The following ARHGEF10 variants were observed in gnomAD, a reference collection of about 807,000 sequenced individuals.
The protein encoded by ARHGEF10 is Rho guanine nucleotide exchange factor 10.
Under a neutral mutation model 147.4 loss-of-function variants are expected in ARHGEF10, and 140 were observed. That is an observed-to-expected ratio of 0.95 (90% CI 0.83 to 1.09). ARHGEF10 has a LOEUF of 1.09. Ranked by LOEUF, ARHGEF10 falls within the 50% of genes least tolerant of loss-of-function variation. ARHGEF10 has a pLI of 0.00. For missense variants in ARHGEF10, 2,222 were observed against 1,752.7 expected (o/e 1.27, Z -4.78); for synonymous variants, 902 against 695.8 (o/e 1.30, Z -4.67).
At chr8:1,929,920 C>G (rs1030135911) in intron 25 of ARHGEF10, among the ~76,000 whole-genome samples, 5 of 152,210 alleles carry the variant, frequency 3.3e-5, no homozygotes, top group African/African-American at 1.2e-4. Flanking sequence ...TTAGACGAGG[C>G]CCTCCCTGGC....
chr8:1,879,700 G>A (rs534178621), intron 8 of ARHGEF10, among the ~76,000 whole-genome samples: 5 of 151,948 alleles, frequency 3.3e-5, no homozygotes, highest in Middle Eastern at 3.4e-3. Context: ...TCACAGGCGC[G>A]CACCACCCTA....
At chr8:1,955,556 T>G (rs1485289989) in intron 28 of ARHGEF10, among the ~76,000 whole-genome samples, 1 of 148,506 alleles carries the variant, frequency 6.7e-6, no homozygotes, top group Non-Finnish European at 1.5e-5. Flanking sequence ...TCTCACTGTT[T>G]CTCTGGATGG....
rs1815695110 is a variant in ARHGEF10, at chr8:1,957,739, A to G, written c.*476A>G. The G allele has an allele frequency of 6.1e-6, 1 of 162,690 alleles. No homozygotes were observed. The highest frequency in any genetic ancestry group is 1.3e-5 in the Non-Finnish European group (1 of 74,416). The allele number at this position is 162,690 out of a possible 1,614,324, so 10.1% of individuals were successfully genotyped here. ...CTTTTATTTATATTCTATATTTTTG[A>G]ATTTCAGAGTAAAATTTGTTAACAA... On this transcript the variant is annotated 3_prime_UTR_variant, in exon 29 of 29. Coordinates refer to ENST00000349830, the MANE Select transcript of ARHGEF10 (RefSeq NM_014629.4).
chr8:1,846,854 G>A (rs1804602660), intron 2 of ARHGEF10, among the ~76,000 whole-genome samples: 1 of 152,234 alleles, frequency 6.6e-6, no homozygotes, highest in South Asian at 2.1e-4. Flanking sequence ...TGGGATGACA[G>A]GCGTGAGCCA....
intron 2 of ARHGEF10, among the ~76,000 whole-genome samples, chr8:1,856,050 CCCTG>C (rs1302727958): frequency 6.6e-6 from 1 of 152,126 alleles, no homozygotes; most frequent in Non-Finnish European, 1.5e-5. Flanking sequence ...CCAGCTCTCC[CCCTG>C]CTTCGATTGT....
rs370463705 is a variant in ARHGEF10 at position 1,840,223 on chromosome 8, T to C, written c.-47-3130T>C. 3.2e-3 allele frequency among the ~76,000 whole-genome samples: 391 copies of C among 122,168 alleles called. 1 individual carries two copies. Among genetic ancestry groups the C allele is most frequent in the East Asian group, 0.023 (73 of 3,122 alleles). The allele number at this position is 122,168 out of a possible 152,430, so 80.1% of individuals were successfully genotyped here. A position where few individuals can be genotyped will look rare whatever the true frequency, so the allele number is the denominator to read the frequency against. On this transcript the variant is annotated intron_variant, in intron 1 of 28. Coordinates refer to ENST00000349830, the MANE Select transcript of ARHGEF10 (RefSeq NM_014629.4). ...GAAGCTGTCCGATATGGGGACTGTCTGGTGTGGAAGCTGTCTGGTGTGGGG... is the reference window on the plus strand; with the variant it reads ...GAAGCTGTCCGATATGGGGACTGTCCGGTGTGGAAGCTGTCTGGTGTGGGG...
intron 15 of ARHGEF10, among the ~76,000 whole-genome samples, chr8:1,898,839 C>G (rs556426773): frequency 1.3e-4 from 20 of 152,222 alleles, no homozygotes; most frequent in Admixed American, 2.0e-4. Flanking sequence ...TGGGGGGCCG[C>G]GGGGCTTGGT....
intron 1 of ARHGEF10, chr8:1,826,073 A>C (rs918452927): frequency 4.4e-6 from 7 of 1,587,124 alleles, no homozygotes; most frequent in Non-Finnish European, 6.0e-6. Context: ...TTAGCAGCCA[A>C]CATCGGCAGT....
intron 2 of ARHGEF10, among the ~76,000 whole-genome samples, chr8:1,845,171 A>C (rs1188325870): frequency 6.6e-6 from 1 of 152,176 alleles, no homozygotes; most frequent in Admixed American, 6.5e-5. Flanking sequence ...GGCAGAGAGC[A>C]AAATCTTTTA....
rs1563233777 is a variant in ARHGEF10 at position 1,888,183 on chromosome 8, T to TTTGCGAGGAGACACTTAGTGGGGC, written c.1182+2476_1182+2477insTTGCGAGGAGACACTTAGTGGGGC. ...GGTTGCGAGGAGACAGTGAGTGGGG[T>TTTGCGAGGAGACACTTAGTGGGGC]GAGGGTTTGCGAGGAGACACTTAGT... On this transcript the variant is annotated intron_variant, in intron 11 of 28. Coordinates refer to ENST00000349830, the MANE Select transcript of ARHGEF10 (RefSeq NM_014629.4). Among the ~76,000 whole-genome samples, 28 of 40,906 alleles carry TTTGCGAGGAGACACTTAGTGGGGC rather than the reference T, an allele frequency of 6.8e-4. 3 individuals carry two copies. In the South Asian group the frequency reaches 1.0e-2, roughly 15 times the overall value. 26.8% of individuals were successfully genotyped at this position (40,906 alleles called of 152,430 possible).
chr8:1,915,030 A>C lies in ARHGEF10; in HGVS notation c.2143+5560A>C, dbSNP rs1265612311. Reference sequence around the variant, plus strand: ...GGGGGAGCGGATGCAGCTGCTCATTACTGTGAAGCTGCTGACCTCCTGCCA... The same window carrying C: ...GGGGGAGCGGATGCAGCTGCTCATTCCTGTGAAGCTGCTGACCTCCTGCCA... On this transcript the variant is annotated intron_variant, in intron 18 of 28. Transcript: ENST00000349830. Among the ~76,000 whole-genome samples, 4 of 152,258 alleles carry C rather than the reference A, an allele frequency of 2.6e-5. No homozygotes were observed. The Middle Eastern group carries it at 0.01, about 388-fold the overall frequency.
At chr8:1,940,774 T>C (rs2129260315) in intron 26 of ARHGEF10, among the ~76,000 whole-genome samples, 1 of 152,262 alleles carries the variant, frequency 6.6e-6, no homozygotes, top group Admixed American at 6.5e-5. Context: ...TTGTGTACCC[T>C]GGAAAAATGA....
intron 2 of ARHGEF10, among the ~76,000 whole-genome samples, chr8:1,844,838 G>A (rs1049614359): frequency 6.6e-6 from 1 of 152,144 alleles, no homozygotes; most frequent in African/African-American, 2.4e-5. Flanking sequence ...AGACTGAGGT[G>A]AGTGAATCAC....
chr8:1,847,683 C>A (rs1251768903), intron 2 of ARHGEF10, among the ~76,000 whole-genome samples: 1 of 152,120 alleles, frequency 6.6e-6, no homozygotes, highest in East Asian at 1.9e-4. Flanking sequence ...ACACCCAGAG[C>A]CAAGAAGTGG....
chr8:1,947,660 G>A (rs1381043488), intron 27 of ARHGEF10, among the ~76,000 whole-genome samples: 1 of 66,088 alleles, frequency 1.5e-5, no homozygotes, highest in African/African-American at 6.6e-5. Context: ...ACCCAACCCT[G>A]CCCCCATCCT....
chr8:1,827,177 C>G (rs868818867), intron 1 of ARHGEF10, among the ~76,000 whole-genome samples: 50 of 152,368 alleles, frequency 3.3e-4, no homozygotes, highest in African/African-American at 1.0e-3. Context: ...CCAGCCCCCA[C>G]GCTGATACAC....
At chr8:1,827,459 C>G (rs190166667) in intron 1 of ARHGEF10, among the ~76,000 whole-genome samples, 2 of 152,210 alleles carry the variant, frequency 1.3e-5, no homozygotes, top group African/African-American at 4.8e-5. Flanking sequence ...TAAGCACCCA[C>G]CACCGTGCCC....
chr8:1,954,494 T>C (rs549690944), intron 28 of ARHGEF10, among the ~76,000 whole-genome samples: 4 of 152,040 alleles, frequency 2.6e-5, no homozygotes, highest in East Asian at 3.9e-4. Flanking sequence ...TCCAAAACAC[T>C]TGTGGTCCCA....
chr8:1,842,553 T>G (rs1047989428), intron 1 of ARHGEF10, among the ~76,000 whole-genome samples: 2 of 152,226 alleles, frequency 1.3e-5, no homozygotes, highest in Admixed American at 6.5e-5. Flanking sequence ...TCCCATGTGC[T>G]TTTCCTGATG....
Sources: allele counts gnomAD v4.1 joint callset (sites outside exome capture counted in the v4.1 genomes callset), GRCh38; gene constraint gnomAD v4.1.1; transcripts MANE v1.5; gene names NCBI Gene and HGNC (gene_info 2026-07-23, HGNC 2026-07-21).